EFCAB6: variants seen among roughly 807,000 people sequenced by gnomAD.
The protein encoded by EFCAB6 is EF-hand calcium-binding domain-containing protein 6.
In EFCAB6, 156 loss-of-function variants were observed where a neutral mutation model predicts 169.8. That is an observed-to-expected ratio of 0.92 (90% confidence interval 0.81 to 1.05). EFCAB6 has a LOEUF of 1.05. EFCAB6 is among the 50% of genes least tolerant of loss of function. The pLI is 0.00. For missense variants in EFCAB6, 1,800 were observed against 1,829.1 expected, an observed-to-expected ratio of 0.98 and a Z score of 0.29; for synonymous variants, 698 against 676.4, an observed-to-expected ratio of 1.03 and a Z score of -0.50.
At chr22:43,746,679 G>A (rs2060575687) in intron 6 of EFCAB6, among the ~76,000 whole-genome samples, 1 of 152,194 alleles carries the variant, frequency 6.6e-6, no homozygotes, top group African/African-American at 2.4e-5. Flanking sequence ...GGGAGGCTGA[G>A]GCAAGAGGAC....
intron 10 of EFCAB6, among the ~76,000 whole-genome samples, chr22:43,700,883 T>A (rs1027252069): frequency 2.0e-5 from 3 of 152,108 alleles, no homozygotes; most frequent in African/African-American, 7.2e-5. Flanking sequence ...TACATTTGAG[T>A]TTTTTCCAGT....
At chr22:43,677,881 A>G in intron 13 of EFCAB6, 115 bp downstream of exon 13, 1 of 1,092,174 alleles carries the variant, frequency 9.2e-7, no homozygotes, top group South Asian at 1.8e-5. Context: ...ATTGAGTTGA[A>G]AACTGTAAAG....
At chr22:43,623,345 T>C (rs900654742) in intron 20 of EFCAB6, among the ~76,000 whole-genome samples, 27 of 152,152 alleles carry the variant, frequency 1.8e-4, no homozygotes, top group Non-Finnish European at 3.7e-4. Flanking sequence ...AAGTGTGTTT[T>C]AAACAAGGAC....
chr22:43,693,760 T>C (rs1382614120), intron 10 of EFCAB6, among the ~76,000 whole-genome samples: 3 of 151,840 alleles, frequency 2.0e-5, no homozygotes, highest in Non-Finnish European at 4.4e-5. Context: ...ATAGTTATTT[T>C]AAAAAAGAAT....
chr22:43,810,864 C>G (rs1490947103), intron 1 of EFCAB6, among the ~76,000 whole-genome samples: 1 of 152,182 alleles, frequency 6.6e-6, no homozygotes, highest in Non-Finnish European at 1.5e-5. Context: ...AATATCTTCA[C>G]ATATAATCAA....
intron 10 of EFCAB6, among the ~76,000 whole-genome samples, chr22:43,705,727 G>A (rs1005635433): frequency 6.6e-6 from 1 of 152,042 alleles, no homozygotes; most frequent in Admixed American, 6.5e-5. Context: ...TAAAATATGT[G>A]GGATGCAACA....
intron 26 of EFCAB6, among the ~76,000 whole-genome samples, chr22:43,567,451 A>C (rs948915437): frequency 1.3e-5 from 2 of 152,194 alleles, no homozygotes; most frequent in Non-Finnish European, 2.9e-5. Context: ...GCACTCACCG[A>C]AATAGGATAG....
chr22:43,607,102 C>A (rs778299844), intron 22 of EFCAB6, among the ~76,000 whole-genome samples: 1 of 152,200 alleles, frequency 6.6e-6, no homozygotes, highest in Non-Finnish European at 1.5e-5. Flanking sequence ...TTCCCGACTG[C>A]CTGGTCAATA....
chr22:43,550,857 C>T (rs561960835), intron 27 of EFCAB6, among the ~76,000 whole-genome samples: 3 of 152,046 alleles, frequency 2.0e-5, no homozygotes, highest in Non-Finnish European at 4.4e-5. Context: ...TTTTATCACA[C>T]GCTTTCTGCA....
chr22:43,581,785 G>A (rs530843086), intron 24 of EFCAB6, among the ~76,000 whole-genome samples: 4 of 152,308 alleles, frequency 2.6e-5, no homozygotes, highest in South Asian at 4.1e-4. Context: ...CTGCAGAGCC[G>A]CCTTGCACAG....
Position 43,608,551 on chromosome 22 carries a change from T to C in EFCAB6, c.2612A>G (p.Asp871Gly). Residue 871 changes from aspartate (D) to glycine (G), a missense_variant, in exon 22 of 32, where the codon GAC (aspartate) becomes GGC (glycine). Physicochemically the swap from Asp to Gly is moderately conservative, Grantham distance 94. Coordinates refer to ENST00000262726, the MANE Select transcript of EFCAB6 (RefSeq NM_022785.4). ...NEGNGILRRR[D>G]IKNALYGFDI... ...AAAACCGTACAGTGCGTTCTTTATG[T>C]CCCGGCGTCGAAGAATGCCATTGCC... is the stretch of plus-strand genomic sequence containing the variant. 2.5e-6 allele frequency: 4 copies of C among 1,614,200 alleles called. No individual in the cohort carries two copies. The highest frequency in any genetic ancestry group is 2.5e-6 in the Non-Finnish European group (3 of 1,180,022).
At chr22:43,582,827 C>T (rs2050817806) in intron 24 of EFCAB6, among the ~76,000 whole-genome samples, 1 of 152,046 alleles carries the variant, frequency 6.6e-6, no homozygotes, top group African/African-American at 2.4e-5. Context: ...TTATCTGAGC[C>T]CTGTTCTAGA....
chr22:43,626,055 GTATA>G (rs964809012), intron 20 of EFCAB6, among the ~76,000 whole-genome samples: 1 of 151,612 alleles, frequency 6.6e-6, no homozygotes, highest in Non-Finnish European at 1.5e-5. Context: ...ATGTATGTGT[GTATA>G]TATATGTATG....
In EFCAB6 at chr22:43,608,980, A is replaced by C. The variant is rs988431220; in HGVS notation, c.2563-380T>G. ...TTAGCCCTCTGGCTGTAAGAGGGGA[A>C]ATGAGGGACATTAGACTCCAGCTAT... On this transcript the variant is annotated intron_variant, in intron 21 of 31. Coordinates refer to ENST00000262726, the MANE Select transcript of EFCAB6 (RefSeq NM_022785.4). 2.4e-4 allele frequency among the ~76,000 whole-genome samples: 36 copies of C among 152,202 alleles called. 1 individual carries two copies. Among genetic ancestry groups the C allele is most frequent in the Admixed American group, 2.4e-3 (36 of 15,284 alleles).
intron 20 of EFCAB6, among the ~76,000 whole-genome samples, chr22:43,617,846 G>A (rs191110816): frequency 8.5e-4 from 130 of 152,182 alleles, no homozygotes; most frequent in Non-Finnish European, 1.7e-3. Context: ...GCTCACGCCT[G>A]TAATCCCAGC....
At chr22:43,757,551 C>CA (rs2061002707) in intron 5 of EFCAB6, among the ~76,000 whole-genome samples, 1 of 151,738 alleles carries the variant, frequency 6.6e-6, no homozygotes, top group Non-Finnish European at 1.5e-5. Context: ...CCATCTCAAA[C>CA]AAAAAAAGGA....
chr22:43,596,347 C>G (rs898746561), intron 23 of EFCAB6, among the ~76,000 whole-genome samples: 1 of 151,806 alleles, frequency 6.6e-6, no homozygotes, highest in African/African-American at 2.4e-5. Flanking sequence ...TTAAAAAAAA[C>G]CTAAAGACTC....
chr22:43,540,089 G>A (rs951857911), intron 28 of EFCAB6, 38 bp downstream of exon 28: 1 of 1,605,962 alleles, frequency 6.2e-7, no homozygotes, highest in African/African-American at 1.3e-5. Flanking sequence ...GATGTGGCAT[G>A]AGGAGGCCTG....
At chr22:43,625,305 A>G (rs1007775289) in intron 20 of EFCAB6, among the ~76,000 whole-genome samples, 1 of 152,092 alleles carries the variant, frequency 6.6e-6, no homozygotes, top group African/African-American at 2.4e-5. Context: ...CAAGGACAAA[A>G]CAGCATAGTG....
Sources: gnomAD v4.1 joint callset for allele counts (sites outside exome capture counted in the v4.1 genomes callset) on GRCh38, gnomAD v4.1.1 for gene constraint, MANE v1.5 for transcripts, NCBI Gene and HGNC (gene_info 2026-07-23, HGNC 2026-07-21) for gene names.